KHDRBS2: variants seen among roughly 807,000 people sequenced by gnomAD.
KHDRBS2 encodes KH RNA binding domain containing, signal transduction associated 2, also known as KH domain-containing, RNA-binding, signal transduction-associated protein 2.
Under a neutral mutation model 44.3 loss-of-function variants are expected in KHDRBS2, and 26 were observed. That is an observed-to-expected ratio of 0.59 (90% confidence interval 0.43 to 0.81). KHDRBS2 has a LOEUF of 0.81. KHDRBS2 is among the 40% of genes least tolerant of loss of function. The pLI, the probability that KHDRBS2 is intolerant of heterozygous loss-of-function variation, is 0.00. For missense variants in KHDRBS2, 476 were observed against 433.1 expected, an observed-to-expected ratio of 1.10 and a Z score of -0.88; for synonymous variants, 194 against 151.1, an observed-to-expected ratio of 1.28 and a Z score of -2.08.
chr6:62,103,102 G>C (rs1033576071), intron 2 of KHDRBS2, among the ~76,000 whole-genome samples: 2 of 152,070 alleles, frequency 1.3e-5, no homozygotes, highest in African/African-American at 4.8e-5. Flanking sequence ...CCTGGAAAAA[G>C]TACCATCCAA....
intron 2 of KHDRBS2, among the ~76,000 whole-genome samples, chr6:62,139,159 G>GA (rs569582742): frequency 1.7e-3 from 253 of 150,914 alleles, no homozygotes; most frequent in East Asian, 6.2e-3. Flanking sequence ...AAAATTTTCA[G>GA]AAAAAAAATT....
intron 4 of KHDRBS2, among the ~76,000 whole-genome samples, chr6:61,945,090 TAAAAA>T (rs1175643834): frequency 3.8e-5 from 1 of 26,446 alleles, no homozygotes; most frequent in Non-Finnish European, 6.5e-5. Flanking sequence ...GACTCTGTCT[TAAAAA>T]AAAAAAAAAA....
intron 6 of KHDRBS2, among the ~76,000 whole-genome samples, chr6:61,838,423 C>T (rs1398264334): frequency 6.6e-6 from 1 of 151,928 alleles, no homozygotes; most frequent in African/African-American, 2.4e-5. Flanking sequence ...TTATATTATA[C>T]TTATTTCTTG....
At chr6:61,776,848 T>C (rs987165689) in intron 6 of KHDRBS2, among the ~76,000 whole-genome samples, 4 of 152,200 alleles carry the variant, frequency 2.6e-5, no homozygotes, top group South Asian at 2.1e-4. Context: ...CGTATGTTTA[T>C]AGTGGCACTA....
intron 3 of KHDRBS2, among the ~76,000 whole-genome samples, chr6:62,008,264 C>G (rs913016286): frequency 3.3e-5 from 5 of 152,036 alleles, no homozygotes; most frequent in Admixed American, 2.6e-4. Flanking sequence ...GGTTTTGTCA[C>G]ATGAGAGGAA....
intron 2 of KHDRBS2, among the ~76,000 whole-genome samples, chr6:62,149,908 G>A (rs10484619): frequency 0.08 from 12,137 of 152,178 alleles, 521 homozygotes; most frequent in African/African-American, 0.1. Context: ...GCAGTGGATC[G>A]TAAGAAGCTA....
At chr6:61,912,786 C>T (rs146031703) in intron 4 of KHDRBS2, among the ~76,000 whole-genome samples, 1,695 of 152,220 alleles carry the variant, frequency 0.011, 26 homozygotes, top group African/African-American at 0.037. Context: ...AGACTCAATC[C>T]TATTCTGTAT....
chr6:62,279,104 T>G (rs973556543), intron 1 of KHDRBS2, among the ~76,000 whole-genome samples: 1 of 151,074 alleles, frequency 6.6e-6, no homozygotes, highest in Admixed American at 6.6e-5. Context: ...AAAAAATAAA[T>G]AAATAAATAA....
the KHDRBS2 span, among the ~76,000 whole-genome samples, chr6:61,629,695 CAAT>C: frequency 6.6e-6 from 1 of 152,026 alleles, no homozygotes; most frequent in Non-Finnish European, 1.5e-5. Context: ...CCTGACTGAT[CAAT>C]AATAATACTA....
chr6:62,006,387 TC>T (rs1366951303), intron 3 of KHDRBS2, among the ~76,000 whole-genome samples: 1 of 152,024 alleles, frequency 6.6e-6, no homozygotes, highest in African/African-American at 2.4e-5. Context: ...AAACTAAATG[TC>T]ATTTTCTCCA....
At chr6:61,603,704 A>G in the KHDRBS2 span, among the ~76,000 whole-genome samples, 3 of 151,914 alleles carry the variant, frequency 2.0e-5, no homozygotes, top group Non-Finnish European at 4.4e-5. Context: ...TCTTCCTCCC[A>G]CCTGATAAAT....
chr6:61,617,389 T>C, the KHDRBS2 span, among the ~76,000 whole-genome samples: 1 of 151,706 alleles, frequency 6.6e-6, no homozygotes, highest in Non-Finnish European at 1.5e-5. Flanking sequence ...AGTCTCATTG[T>C]CCTAGTTATC....
At chr6:62,233,351 A>G (rs1388550289) in intron 1 of KHDRBS2, among the ~76,000 whole-genome samples, 1 of 152,202 alleles carries the variant, frequency 6.6e-6, no homozygotes, top group East Asian at 1.9e-4. Flanking sequence ...AGCTGTCAAT[A>G]TCACATTCAT....
At chr6:62,145,165 A>G (rs1813659798) in intron 2 of KHDRBS2, among the ~76,000 whole-genome samples, 1 of 151,882 alleles carries the variant, frequency 6.6e-6, no homozygotes, top group African/African-American at 2.4e-5. Context: ...AAAAAGACTA[A>G]GACAGTTGTA....
intron 1 of KHDRBS2, among the ~76,000 whole-genome samples, chr6:62,253,099 T>C (rs556520429): frequency 1.3e-5 from 2 of 152,136 alleles, no homozygotes; most frequent in Non-Finnish European, 2.9e-5. Flanking sequence ...CATTATATTC[T>C]TTACAAAAAA....
At chr6:62,141,950 C>T (rs1441369079) in intron 2 of KHDRBS2, among the ~76,000 whole-genome samples, 5 of 151,970 alleles carry the variant, frequency 3.3e-5, no homozygotes, top group African/African-American at 4.8e-5. Context: ...TATATGAAGG[C>T]AAAAATATCA....
At chr6:61,712,699 A>G (rs1307016491) in intron 7 of KHDRBS2, among the ~76,000 whole-genome samples, 1 of 151,850 alleles carries the variant, frequency 6.6e-6, no homozygotes, top group Non-Finnish European at 1.5e-5. Context: ...ACTTCATTAG[A>G]TAATGTTTAC....
At chr6:61,708,204 A>G (rs1769904393) in intron 7 of KHDRBS2, among the ~76,000 whole-genome samples, 1 of 151,620 alleles carries the variant, frequency 6.6e-6, no homozygotes, top group South Asian at 2.1e-4. Context: ...TCACATTGTT[A>G]TGAAAATAAA....
At chr6:61,824,523 C>A (rs1790530494) in intron 6 of KHDRBS2, among the ~76,000 whole-genome samples, 1 of 152,070 alleles carries the variant, frequency 6.6e-6, no homozygotes, top group Admixed American at 6.6e-5. Flanking sequence ...TCATAAACTA[C>A]CGAGTCTCGG....
Sources: allele counts gnomAD v4.1 joint callset (sites outside exome capture counted in the v4.1 genomes callset), GRCh38; gene constraint gnomAD v4.1.1; transcripts MANE v1.5; gene names NCBI Gene and HGNC (gene_info 2026-07-23, HGNC 2026-07-21).